Variants in CTNNA1 observed in about 807,000 individuals in gnomAD.
CTNNA1 encodes catenin alpha 1.
A neutral mutation model predicts 98.4 loss-of-function variants in CTNNA1; 37 were observed. The observed-to-expected ratio is 0.38, with a 90% CI of 0.29 to 0.49. The LOEUF (loss-of-function observed/expected upper bound fraction) is 0.49. CTNNA1 is among the 20% of genes least tolerant of loss of function. CTNNA1 has a pLI of 0.95. For missense variants in CTNNA1, 761 were observed against 1,147.2 expected, an observed-to-expected ratio of 0.66 and a Z score of 4.86; for synonymous variants, 404 against 413.2, an observed-to-expected ratio of 0.98 and a Z score of 0.27.
chr5:138,881,061 C>T (rs1337947175), intron 7 of CTNNA1: 1 of 456,306 alleles, frequency 2.2e-6, no homozygotes, highest in Non-Finnish European at 4.4e-6. Context: ...AGCATTCCGT[C>T]TGCAGTTGAG....
chr5:138,854,061 C>T (rs1049505058), intron 7 of CTNNA1, among the ~76,000 whole-genome samples: 26 of 152,180 alleles, frequency 1.7e-4, no homozygotes, highest in African/African-American at 6.3e-4. Flanking sequence ...CTATAGCATT[C>T]TATGATAAAC....
intron 9 of CTNNA1, chr5:138,891,162 C>G (rs1204449126): frequency 2.0e-5 from 3 of 152,244 alleles, no homozygotes; most frequent in Non-Finnish European, 2.9e-5. Context: ...TTTTCTGAGT[C>G]AAGTTTTTTC....
chr5:138,754,363 A>G (rs1357646749), intron 1 of CTNNA1: 1 of 152,082 alleles, frequency 6.6e-6, no homozygotes, highest in Non-Finnish European at 1.5e-5. Context: ...GCTTCCCAGT[A>G]ATGCAGGCGG....
chr5:138,797,690 C>G (rs753610607), intron 3 of CTNNA1, among the ~76,000 whole-genome samples: 4 of 151,984 alleles, frequency 2.6e-5, no homozygotes, highest in Non-Finnish European at 5.9e-5. Flanking sequence ...AGAGATGTTT[C>G]CATAGCTGGA....
intron 8 of CTNNA1, 70 bp downstream of exon 8, chr5:138,886,362 AAGCACT>A: frequency 6.8e-7 from 1 of 1,464,186 alleles, no homozygotes; most frequent in Non-Finnish European, 9.3e-7. Context: ...AAATCCTAAT[AAGCACT>A]GGCCTTATAT....
chr5:138,876,492 A>C lies in CTNNA1; in HGVS notation c.1063-9720A>C, dbSNP rs550366945. Among the ~76,000 whole-genome samples the C allele has an allele frequency of 2.0e-5, 3 of 152,322 alleles. No homozygotes were observed. In the East Asian group the frequency reaches 5.8e-4, roughly 29 times the overall value. Reference sequence around the variant, plus strand: ...CCATGTTTAGTGTTATATAAATGCAAAAGATGTTTCTAGATGTTATATTTT... The same window carrying C: ...CCATGTTTAGTGTTATATAAATGCACAAGATGTTTCTAGATGTTATATTTT... On this transcript the variant is annotated intron_variant, in intron 7 of 17. Transcript: ENST00000302763.
At chr5:138,930,743 A>T in intron 15 of CTNNA1, 87 bp from the exon 16 acceptor site, 4 of 1,540,492 alleles carry the variant, frequency 2.6e-6, no homozygotes, top group Non-Finnish European at 3.6e-6. Flanking sequence ...AGCCCAGGCC[A>T]TGGGGCTTTG....
At chr5:138,822,643 G>C (rs1175848576) in intron 5 of CTNNA1, among the ~76,000 whole-genome samples, 2 of 152,144 alleles carry the variant, frequency 1.3e-5, no homozygotes, top group Non-Finnish European at 2.9e-5. Context: ...GCCCCTTGTT[G>C]CTTGAGTCTT....
chr5:138,856,721 T>C (rs966271757), intron 7 of CTNNA1, among the ~76,000 whole-genome samples: 2 of 152,194 alleles, frequency 1.3e-5, no homozygotes, highest in East Asian at 3.9e-4. Context: ...ATGACTAAGA[T>C]TGGCAGAAGG....
At chr5:138,822,657 A>T (rs73261698) in intron 5 of CTNNA1, among the ~76,000 whole-genome samples, 1,875 of 152,276 alleles carry the variant, frequency 0.012, 42 homozygotes, top group African/African-American at 0.038. Context: ...GAGTCTTTAA[A>T]TGATAACTGA....
chr5:138,924,340 T>C (rs1763560054), intron 11 of CTNNA1, among the ~76,000 whole-genome samples, 170 bp from the exon 12 acceptor site: 1 of 151,434 alleles, frequency 6.6e-6, no homozygotes, highest in Non-Finnish European at 1.5e-5. Flanking sequence ...TGATAACAGG[T>C]TTAGTTTCTG....
At chr5:138,857,495 T>A (rs981309703) in intron 7 of CTNNA1, among the ~76,000 whole-genome samples, 6 of 152,102 alleles carry the variant, frequency 3.9e-5, no homozygotes, top group Non-Finnish European at 5.9e-5. Flanking sequence ...AAAATTTTTT[T>A]AAATAGAGAT....
intron 3 of CTNNA1, among the ~76,000 whole-genome samples, chr5:138,791,763 C>A (rs1289301573): frequency 7.2e-6 from 1 of 139,590 alleles, no homozygotes; most frequent in Non-Finnish European, 1.5e-5. Context: ...TGTGAGCATA[C>A]TCTAATGGTA....
intron 11 of CTNNA1, among the ~76,000 whole-genome samples, chr5:138,923,253 G>A (rs1479570727): frequency 2.0e-5 from 3 of 152,086 alleles, no homozygotes; most frequent in African/African-American, 7.2e-5. Context: ...AATTATTAGA[G>A]TTTATATATT....
At chr5:138,804,685 G>T (rs1263945378) in intron 3 of CTNNA1, among the ~76,000 whole-genome samples, 1 of 152,030 alleles carries the variant, frequency 6.6e-6, no homozygotes, top group South Asian at 2.1e-4. Flanking sequence ...CTGTTTTTCA[G>T]TTGGTAGATG....
rs1219819894 is a variant in CTNNA1, at chr5:138,934,431, A to C, written c.*342A>C. 8.1e-6 allele frequency: 2 copies of C among 247,468 alleles called. No individual in the cohort carries two copies. The highest frequency in any genetic ancestry group is 1.6e-5 in the Non-Finnish European group (2 of 128,930). The allele number at this position is 247,468 out of a possible 1,614,324, so 15.3% of individuals were successfully genotyped here. ...GCGGCGTTAGGGTTTGAGAGAAGGG[A>C]ATTTGGCTCAACTTCAGTTGAGAGG... On this transcript the variant is annotated 3_prime_UTR_variant, in exon 18 of 18. Transcript: ENST00000302763.
chr5:138,826,632 T>C (rs1760746728), intron 6 of CTNNA1, among the ~76,000 whole-genome samples: 1 of 152,182 alleles, frequency 6.6e-6, no homozygotes, highest in African/African-American at 2.4e-5. Context: ...CTAGAGGTCT[T>C]TGAGGAAAGG....
chr5:138,789,882 A>C (rs1756162093), intron 3 of CTNNA1, among the ~76,000 whole-genome samples: 1 of 152,238 alleles, frequency 6.6e-6, no homozygotes. Context: ...CACTACCTCA[A>C]GGGGGAGCTC....
At chr5:138,787,625 GTAGT>G (rs962421588) in intron 3 of CTNNA1, among the ~76,000 whole-genome samples, 37 of 152,142 alleles carry the variant, frequency 2.4e-4, no homozygotes, top group South Asian at 1.7e-3. Context: ...CTTCAAAAAG[GTAGT>G]TATTTATGTG....
Sources: gnomAD v4.1 joint callset for allele counts (sites outside exome capture counted in the v4.1 genomes callset) on GRCh38, gnomAD v4.1.1 for gene constraint, MANE v1.5 for transcripts, NCBI Gene and HGNC (gene_info 2026-07-23, HGNC 2026-07-21) for gene names.